Variants in NCKAP1 observed in about 807,000 individuals in gnomAD.
NCKAP1 encodes the protein nck-associated protein 1.
NCKAP1 carries 21 observed loss-of-function variants against 151.2 expected under a neutral mutation model. The observed-to-expected ratio is 0.14, with a 90% CI of 0.10 to 0.20. The LOEUF is 0.20. Ranked by LOEUF, NCKAP1 falls within the 10% of genes least tolerant of loss-of-function variation. NCKAP1 has a pLI of 1.00. For missense variants in NCKAP1, 933 were observed against 1,352.1 expected, an observed-to-expected ratio of 0.69 and a Z score of 4.86; for synonymous variants, 484 against 451.8, an observed-to-expected ratio of 1.07 and a Z score of -0.90.
At chr2:182,954,874 T>C (rs1697293033) in intron 20 of NCKAP1, among the ~76,000 whole-genome samples, 1 of 151,968 alleles carries the variant, frequency 6.6e-6, no homozygotes, top group Non-Finnish European at 1.5e-5. Flanking sequence ...AATCACTAAG[T>C]AGATGTTTGG....
intron 18 of NCKAP1, among the ~76,000 whole-genome samples, chr2:182,961,817 C>T (rs1697459944): frequency 6.6e-6 from 1 of 151,952 alleles, no homozygotes; most frequent in African/African-American, 2.4e-5. Context: ...GCAATCTGAG[C>T]TTCAATCTGA....
chr2:182,933,101 AAAG>A (rs1469192017), intron 26 of NCKAP1, among the ~76,000 whole-genome samples: 22 of 152,224 alleles, frequency 1.4e-4, no homozygotes, highest in South Asian at 2.1e-4. Context: ...TAACACTAAG[AAAG>A]AAGAAGTTCT....
chr2:183,028,387 T>C (rs2675048), intron 1 of NCKAP1, among the ~76,000 whole-genome samples: 36,292 of 152,056 alleles, frequency 0.24, 8,183 homozygotes, highest in African/African-American at 0.6. Flanking sequence ...TTTAAATATT[T>C]ATATACTTAA....
rs1037504783 is a variant in NCKAP1, at chr2:183,001,018, G to A, written c.603+935C>T. 4.6e-5 allele frequency among the ~76,000 whole-genome samples: 7 copies of A among 152,262 alleles called. No individual in the cohort carries two copies. In the East Asian group the frequency reaches 1.2e-3, roughly 25 times the overall value. ...GCAGGGGCAGGAGAATCACGAGCCCGGGAGGCGGAAGCTCCAGTGAGCTGA... is the reference window on the plus strand; with the variant it reads ...GCAGGGGCAGGAGAATCACGAGCCCAGGAGGCGGAAGCTCCAGTGAGCTGA... On this transcript the variant is annotated intron_variant, in intron 6 of 30. Transcript: ENST00000361354.
rs185479802 is a variant in NCKAP1 at position 182,926,707 on chromosome 2, G to A, written c.3270+109C>T. The A allele has an allele frequency of 6.4e-4, 430 of 668,122 alleles. 2 individuals are homozygous for A. In the Middle Eastern group the frequency reaches 6.8e-3, roughly 11 times the overall value. 41.4% of individuals were successfully genotyped at this position (668,122 alleles called of 1,614,324 possible). ...TTTAGAAAGGTGTGGCTTACGTGAA[G>A]TGAACAAAAGGGATCAAAAAAAGTA... On this transcript the variant is annotated intron_variant, in intron 30 of 30. Coordinates refer to ENST00000361354, the MANE Select transcript of NCKAP1 (RefSeq NM_013436.5).
chr2:182,994,599 A>G (rs1698231208), intron 8 of NCKAP1, among the ~76,000 whole-genome samples: 1 of 151,874 alleles, frequency 6.6e-6, no homozygotes, highest in Admixed American at 6.6e-5. Flanking sequence ...AGATTGTGCC[A>G]CTGCACTCCA....
chr2:182,940,256 G>A (rs1227123404), intron 24 of NCKAP1, among the ~76,000 whole-genome samples: 3 of 151,954 alleles, frequency 2.0e-5, no homozygotes, highest in Non-Finnish European at 4.4e-5. Flanking sequence ...TAAGAATAAA[G>A]GAGTAGAAAA....
chr2:182,954,803 AAATT>A (rs1697291127), intron 20 of NCKAP1, among the ~76,000 whole-genome samples: 3 of 151,886 alleles, frequency 2.0e-5, no homozygotes, highest in South Asian at 4.1e-4. Flanking sequence ...ATAAATAAAT[AAATT>A]AAATAAAATA....
intron 2 of NCKAP1, among the ~76,000 whole-genome samples, chr2:183,005,915 A>G (rs1440832037): frequency 6.6e-6 from 1 of 152,110 alleles, no homozygotes; most frequent in East Asian, 1.9e-4. Context: ...ATTTTCAGAA[A>G]ACCGCACCTG....
At chr2:182,942,423 A>G (rs1353273640) in intron 23 of NCKAP1, among the ~76,000 whole-genome samples, 1 of 152,150 alleles carries the variant, frequency 6.6e-6, no homozygotes, top group Non-Finnish European at 1.5e-5. Flanking sequence ...AGGATAAAGA[A>G]TCATCTTATG....
At chr2:182,939,594 C>T (rs1268741263) in intron 24 of NCKAP1, among the ~76,000 whole-genome samples, 1 of 151,770 alleles carries the variant, frequency 6.6e-6, no homozygotes, top group Non-Finnish European at 1.5e-5. Flanking sequence ...AGATTGCCTC[C>T]CAATTCAGAC....
intron 12 of NCKAP1, among the ~76,000 whole-genome samples, chr2:182,981,629 C>A (rs182827142): frequency 5.9e-5 from 9 of 152,020 alleles, no homozygotes; most frequent in African/African-American, 2.2e-4. Flanking sequence ...ATAAGCAGGG[C>A]CGGGCACAGT....
At position 182,928,104 on chromosome 2, in the gene NCKAP1, T is replaced by G; in HGVS notation, c.3180+13A>C. On this transcript the variant is annotated intron_variant, in intron 29 of 30. Coordinates refer to ENST00000361354, the MANE Select transcript of NCKAP1 (RefSeq NM_013436.5). ...ATAAAATGTGATGAGTTTTGTTATT[T>G]GATTATACATACCGCCAGAAATTCT... 1 of 1,543,176 alleles carries G rather than the reference T, an allele frequency of 6.5e-7. No individual in the cohort carries two copies. The highest frequency in any genetic ancestry group is 8.9e-7 in the Non-Finnish European group (1 of 1,126,154).
At position 182,917,733 on chromosome 2, in the gene NCKAP1, T is replaced by C. The variant is rs773256263; in HGVS notation, c.*7969A>G. Reference sequence around the variant, plus strand: ...ATAGTAAAAACCATTTTTGTTAACATAGAGAGTAAGTACTGTGTGAGCTTG... The same window carrying C: ...ATAGTAAAAACCATTTTTGTTAACACAGAGAGTAAGTACTGTGTGAGCTTG... On this transcript the variant is annotated 3_prime_UTR_variant, in exon 31 of 31. Coordinates refer to ENST00000361354, the MANE Select transcript of NCKAP1 (RefSeq NM_013436.5). The C allele has an allele frequency of 1.3e-5, 2 of 152,322 alleles. No individual in the cohort carries two copies. The highest frequency in any genetic ancestry group is 3.4e-3 in the Middle Eastern group (1 of 294). The allele number at this position is 152,322 out of a possible 1,614,324, so 9.4% of individuals were successfully genotyped here.
At chr2:183,026,217 C>T (rs927739265) in intron 1 of NCKAP1, among the ~76,000 whole-genome samples, 3 of 152,046 alleles carry the variant, frequency 2.0e-5, no homozygotes, top group Admixed American at 1.3e-4. Flanking sequence ...GGGGCTTGAG[C>T]CAGAAGTTGG....
chr2:182,955,275 GTGCAAA>G (rs1181776193), intron 20 of NCKAP1, among the ~76,000 whole-genome samples: 2 of 152,044 alleles, frequency 1.3e-5, no homozygotes, highest in Non-Finnish European at 2.9e-5. Flanking sequence ...TAAGCATATA[GTGCAAA>G]TACAAACACC....
In NCKAP1 at chr2:182,935,352, T is replaced by A; in HGVS notation, c.2719A>T (p.Met907Leu). Residue 907 changes from methionine (M) to leucine (L), a missense_variant, in exon 25 of 31, where the codon ATG becomes TTG. Met to Leu is a conservative substitution (Grantham distance 15). Transcript: ENST00000361354. Reference sequence around the variant, plus strand: ...GATAAAATTACACCAATTATTGTCATCCTCTTCAAGACACTGTCAACAGCT... The same window carrying A: ...GATAAAATTACACCAATTATTGTCAACCTCTTCAAGACACTGTCAACAGCT... ...LSSVDSVLKR[M>L]TIIGVILSFR... is the part of the protein sequence containing the mutation. 6.3e-7 allele frequency: 1 copy of A among 1,586,298 alleles called. No individual in the cohort carries two copies. The highest frequency in any genetic ancestry group is 8.5e-7 in the Non-Finnish European group (1 of 1,170,690).
Position 182,923,186 on chromosome 2 carries a change from AT to A in NCKAP1, c.*2515del, listed in dbSNP as rs1315046195. 6.6e-6 allele frequency: 1 copy of A among 152,264 alleles called. No individual in the cohort carries two copies. The highest frequency in any genetic ancestry group is 1.5e-5 in the Non-Finnish European group (1 of 68,048). 9.4% of individuals were successfully genotyped at this position (152,264 alleles called of 1,614,324 possible). A position where few individuals can be genotyped will look rare whatever the true frequency, so the allele number is the denominator to read the frequency against. Reference sequence around the variant, plus strand: ...ACTTCTGAAAAATTATTCTAAAAAAATAACAGGTCAACTTTACCAAGATATA... The same window carrying A: ...ACTTCTGAAAAATTATTCTAAAAAAAAACAGGTCAACTTTACCAAGATATA... On this transcript the variant is annotated 3_prime_UTR_variant, in exon 31 of 31. Transcript: ENST00000361354.
At chr2:182,966,247 T>C (rs1160739541) in intron 16 of NCKAP1, among the ~76,000 whole-genome samples, 2 of 152,098 alleles carry the variant, frequency 1.3e-5, no homozygotes, top group African/African-American at 4.8e-5. Flanking sequence ...TTATATAGCT[T>C]GAGGCGAGAA....
Sources: gnomAD v4.1 joint callset for allele counts (sites outside exome capture counted in the v4.1 genomes callset) on GRCh38, gnomAD v4.1.1 for gene constraint, MANE v1.5 for transcripts, NCBI Gene and HGNC (gene_info 2026-07-23, HGNC 2026-07-21) for gene names.